Variants in NCBP3 observed in about 807,000 individuals in gnomAD.
NCBP3 encodes nuclear cap-binding protein subunit 3.
In NCBP3, 20 loss-of-function variants were observed where a neutral mutation model predicts 75.7. That is an observed-to-expected ratio of 0.26 (90% CI 0.19 to 0.38). The LOEUF (loss-of-function observed/expected upper bound fraction) is 0.38. Among genes scored for constraint, NCBP3 ranks in the 10% least tolerant of loss-of-function variants. The pLI is 1.00. For missense variants in NCBP3, 678 were observed against 796.9 expected, an observed-to-expected ratio of 0.85 and a Z score of 1.80; for synonymous variants, 293 against 290.5, an observed-to-expected ratio of 1.01 and a Z score of -0.09.
At chr17:3,822,077 C>G (rs747260293) in intron 7 of NCBP3, 25 bp from the exon 8 acceptor site, 1 of 1,443,504 alleles carries the variant, frequency 6.9e-7, no homozygotes, top group African/African-American at 1.4e-5. Flanking sequence ...CAATAGTTAC[C>G]TAGGATTTCC....
rs1033528825 is a variant in NCBP3 at position 3,805,889 on chromosome 17, A to G, written c.*7155T>C. 1.3e-5 allele frequency: 2 copies of G among 152,206 alleles called. No individual in the cohort carries two copies. Among genetic ancestry groups the G allele is most frequent in the Admixed American group, 6.5e-5 (1 of 15,280 alleles). The allele number at this position is 152,206 out of a possible 1,614,324, so 9.4% of individuals were successfully genotyped here. ...TGAGGGGACTTGCTCAGTCTTTCCAATTGAGTATGTGGGGCAGAAGGAGTC... is the reference window on the plus strand; with the variant it reads ...TGAGGGGACTTGCTCAGTCTTTCCAGTTGAGTATGTGGGGCAGAAGGAGTC... On this transcript the variant is annotated 3_prime_UTR_variant, in exon 13 of 13. Transcript: ENST00000389005.
rs1473027378 is a variant in NCBP3 at position 3,804,760 on chromosome 17, TGCC to T, written c.*8281_*8283del. ...CACTCGGTAGGAGTGCCCTGCTCAG[TGCC>T]AAGGCCTCACATGCGAGCCCTCATC... On this transcript the variant is annotated 3_prime_UTR_variant, in exon 13 of 13. Transcript: ENST00000389005. 2.6e-5 allele frequency: 4 copies of T among 152,180 alleles called. No individual in the cohort carries two copies. The East Asian group carries it at 7.7e-4, about 29-fold the overall frequency. The allele number at this position is 152,180 out of a possible 1,614,324, so 9.4% of individuals were successfully genotyped here.
intron 3 of NCBP3, among the ~76,000 whole-genome samples, chr17:3,832,399 C>CAA (rs2053894650): frequency 8.5e-6 from 1 of 118,108 alleles, no homozygotes; most frequent in Admixed American, 8.5e-5. Context: ...TTTGGGAGGC[C>CAA]GGGGCGGGCA....
intron 10 of NCBP3, among the ~76,000 whole-genome samples, chr17:3,816,689 T>C (rs1162563878): frequency 6.6e-6 from 1 of 152,238 alleles, no homozygotes; most frequent in African/African-American, 2.4e-5. Context: ...TATGCTATCA[T>C]GCTAGGTGCC....
rs568478694 is a variant in NCBP3, at chr17:3,829,207, C to CA, written c.481+35dup. Reference sequence around the variant, plus strand: ...GCAAGAACTCTTGAAAAATCATCAACAAAAGCATATTCACAGGAAACTCGG... The same window carrying CA: ...GCAAGAACTCTTGAAAAATCATCAACAAAAAGCATATTCACAGGAAACTCGG... On this transcript the variant is annotated intron_variant, in intron 4 of 12. Coordinates refer to ENST00000389005, the MANE Select transcript of NCBP3 (RefSeq NM_001114118.3). 6.0e-4 allele frequency: 933 copies of CA among 1,548,390 alleles called. 4 individuals are homozygous for CA. Among genetic ancestry groups the CA allele is most frequent in the Non-Finnish European group, 6.1e-4 (697 of 1,144,682 alleles).
At chr17:3,821,848 G>A (rs992557552) in intron 8 of NCBP3, 105 bp downstream of exon 8, 15 of 713,370 alleles carry the variant, frequency 2.1e-5, no homozygotes, top group Middle Eastern at 4.9e-4. Context: ...CTTCCCTCTT[G>A]TTTTCCTTCC....
In NCBP3 at chr17:3,846,065, C is replaced by G. The variant is rs1380561321; in HGVS notation, c.159G>C (p.Arg53=). 1.9e-6 allele frequency: 3 copies of G among 1,549,258 alleles called. No homozygotes were observed. In the African/African-American group the frequency reaches 4.1e-5, roughly 21 times the overall value. ...CCGGGATCAGTTCCTTGAGCGAGCG[C>G]CGCACAGGCACGATTTCCAGCTCGC... ...EEGELEIVPV[R]RSLKELIPDT... The change falls in exon 1 of 13, where the codon CGG becomes CGC. Residue 53 remains arginine, a synonymous_variant. Transcript: ENST00000389005. The surrounding 1 kb of genome is among the most constrained non-coding windows in gnomAD (Gnocchi z 4.6).
Position 3,821,355 on chromosome 17 carries a change from G to A in NCBP3, c.897-3C>T, listed in dbSNP as rs2053661341. 1 of 1,610,588 alleles carries A rather than the reference G, an allele frequency of 6.2e-7. No homozygotes were observed. Among genetic ancestry groups the A allele is most frequent in the Non-Finnish European group, 8.5e-7 (1 of 1,177,056 alleles). On this transcript the variant is annotated splice_region_variant and splice_polypyrimidine_tract_variant and intron_variant, in intron 8 of 12. Coordinates refer to ENST00000389005, the MANE Select transcript of NCBP3 (RefSeq NM_001114118.3). ...GACGGGAATGATATCTTCGCTTCCT[G>A]CAAGAATGCCAAAATAAGCACACAA...
intron 11 of NCBP3, among the ~76,000 whole-genome samples, chr17:3,815,358 G>T (rs1468023370): frequency 2.0e-5 from 3 of 152,194 alleles, no homozygotes; most frequent in Non-Finnish European, 2.9e-5. Context: ...AACTTCCCGA[G>T]TAGATCTATG....
At chr17:3,829,099 G>A (rs1389511608) in intron 4 of NCBP3, 144 bp downstream of exon 4, 2 of 901,652 alleles carry the variant, frequency 2.2e-6, no homozygotes, top group South Asian at 1.8e-5. Context: ...TTCACTGCTC[G>A]ACAATTTTTT....
chr17:3,810,826 G>C lies in NCBP3; in HGVS notation c.*2218C>G, dbSNP rs2053398386. The C allele has an allele frequency of 6.6e-6, 1 of 152,328 alleles. No homozygotes were observed. Among genetic ancestry groups the C allele is most frequent in the South Asian group, 2.1e-4 (1 of 4,814 alleles). The allele number at this position is 152,328 out of a possible 1,614,324, so 9.4% of individuals were successfully genotyped here. A position where few individuals can be genotyped will look rare whatever the true frequency, so the allele number is the denominator to read the frequency against. On this transcript the variant is annotated 3_prime_UTR_variant, in exon 13 of 13. Coordinates refer to ENST00000389005, the MANE Select transcript of NCBP3 (RefSeq NM_001114118.3). ...CTGCACACCACCTCCTTCCAGAATGGCTTCGCTGATCTGTAGCAGGAGACT... is the reference window on the plus strand; with the variant it reads ...CTGCACACCACCTCCTTCCAGAATGCCTTCGCTGATCTGTAGCAGGAGACT...
rs1339180300 is a variant in NCBP3, at chr17:3,825,830, GTCT to G, written c.621_623del (p.Glu207del). On this transcript the variant is annotated inframe_deletion, in exon 6 of 13. Coordinates refer to ENST00000389005, the MANE Select transcript of NCBP3 (RefSeq NM_001114118.3). ...CTTCAGCTTCATCATCATCTGAACT[GTCT>G]TCCTGCTTGTCTAAAATGGAATGTG... 6.4e-7 allele frequency: 1 copy of G among 1,550,912 alleles called. No homozygotes were observed. The highest frequency in any genetic ancestry group is 8.7e-7 in the Non-Finnish European group (1 of 1,146,732).
At chr17:3,832,005 G>A (rs2143690075) in intron 3 of NCBP3, among the ~76,000 whole-genome samples, 1 of 119,514 alleles carries the variant, frequency 8.4e-6, no homozygotes. Context: ...ACAACATGAT[G>A]AAACCCTGTC....
chr17:3,826,367 C>A lies in NCBP3; in HGVS notation c.482-152G>T, dbSNP rs144773595. On this transcript the variant is annotated intron_variant, in intron 4 of 12. Coordinates refer to ENST00000389005, the MANE Select transcript of NCBP3 (RefSeq NM_001114118.3). ...ACCAACTAATGAAGAGAAATATAGA[C>A]CAGGCATGGTGACTCACACCTATAA... Among the ~76,000 whole-genome samples the A allele has an allele frequency of 4.0e-3, 614 of 152,252 alleles. 11 individuals carry two copies. Among genetic ancestry groups the A allele is most frequent in the East Asian group, 4.2e-3 (22 of 5,190 alleles).
chr17:3,818,435 G>A lies in NCBP3; in HGVS notation c.1138C>T (p.Leu380Phe), dbSNP rs375218323. 5 of 1,614,108 alleles carry A rather than the reference G, an allele frequency of 3.1e-6. No individual in the cohort carries two copies. The highest frequency in any genetic ancestry group is 1.1e-5 in the South Asian group (1 of 91,076). ...GCGCTCCGCTCCCGGGGCTGCTTGA[G>A]AGCCGGGAGCTCCTCGTGGTACTCT... ...VVEYHEELPA[L>F]KQPRERSASR... The change falls in exon 10 of 13, where the codon CTC (leucine) becomes TTC (phenylalanine). Residue 380 changes from leucine to phenylalanine, a missense_variant. Physicochemically the swap from Leu to Phe is conservative, Grantham distance 22. This residue lies in a region of NCBP3 where 365 missense variants were observed against 392.7 expected (regional missense o/e 0.93). Coordinates refer to ENST00000389005, the MANE Select transcript of NCBP3 (RefSeq NM_001114118.3). The surrounding 1 kb of genome is among the most constrained non-coding windows in gnomAD (Gnocchi z 4.7).
intron 3 of NCBP3, among the ~76,000 whole-genome samples, chr17:3,830,106 G>T (rs2143684540): frequency 6.6e-6 from 1 of 152,268 alleles, no homozygotes; most frequent in Admixed American, 6.5e-5. Flanking sequence ...TTCCCCGGCT[G>T]GTGGGCATCG....
At chr17:3,822,184 C>T (rs898834345) in intron 7 of NCBP3, 132 bp from the exon 8 acceptor site, 4 of 640,768 alleles carry the variant, frequency 6.2e-6, no homozygotes, top group South Asian at 3.8e-5. Context: ...AAATCCACTA[C>T]CAACATTCAC....
intron 3 of NCBP3, among the ~76,000 whole-genome samples, chr17:3,837,805 G>C (rs1488652732): frequency 6.6e-6 from 1 of 150,588 alleles, no homozygotes; most frequent in Non-Finnish European, 1.5e-5. Context: ...CTAATATAAA[G>C]TGGTCTGAGA....
chr17:3,845,105 T>C (rs979517504), intron 1 of NCBP3, among the ~76,000 whole-genome samples: 9 of 152,274 alleles, frequency 5.9e-5, no homozygotes, highest in Admixed American at 5.9e-4. Flanking sequence ...GTCTGGAACT[T>C]AGACTCCTGA....
Sources: gnomAD v4.1 joint callset for allele counts (sites outside exome capture counted in the v4.1 genomes callset) on GRCh38, gnomAD v4.1.1 for gene constraint, gnomAD v4.1.1 regional missense constraint, Gnocchi (gnomAD v3.1) non-coding constraint, MANE v1.5 for transcripts, NCBI Gene and HGNC (gene_info 2026-07-23, HGNC 2026-07-21) for gene names.